Variants in AADACL2 observed in about 807,000 individuals in gnomAD.
AADACL2 encodes arylacetamide deacetylase like 2, also known as arylacetamide deacetylase-like 2.
Under a neutral mutation model 22.3 loss-of-function variants are expected in AADACL2, and 23 were observed. The ratio of observed to expected loss-of-function variants is 1.03; its 90% CI spans 0.74 to 1.46. The LOEUF is 1.46. Ranked by LOEUF, AADACL2 falls within the 40% of genes most tolerant of loss-of-function variation. The probability of loss-of-function intolerance (pLI) is 0.00; values close to 1 mark genes in which losing one functional copy is unlikely to be tolerated. For synonymous variants in AADACL2, 177 were observed against 166.2 expected, an observed-to-expected ratio of 1.07 and a Z score of -0.50; for missense variants, 472 against 482.9, an observed-to-expected ratio of 0.98 and a Z score of 0.21.
intron 4 of AADACL2, among the ~76,000 whole-genome samples, chr3:151,748,088 C>T (rs1576614925): frequency 3.3e-5 from 5 of 149,686 alleles, no homozygotes; most frequent in Admixed American, 3.3e-4. Context: ...TTGATTGTTT[C>T]TTTTTTCGTG....
In AADACL2 at chr3:151,745,565, C is replaced by A. The variant is rs201615784; in HGVS notation, c.488C>A (p.Ala163Glu). 1.2e-6 allele frequency: 2 copies of A among 1,613,828 alleles called. No homozygotes were observed. The highest frequency in any genetic ancestry group is 1.3e-5 in the African/African-American group (1 of 75,026). The change falls in exon 4 of 5, where the codon GCA becomes GAA. Residue 163 changes from alanine (A) to glutamate (E), a missense_variant. By Grantham distance (107) the Ala-to-Glu change is moderately radical. Coordinates refer to ENST00000356517, the MANE Select transcript of AADACL2 (RefSeq NM_207365.4). The part of the protein sequence containing the change: ...FPAQFEDGLA[A>E]VKFFLLEKIL... Reference sequence around the variant, plus strand: ...GCTCAGTTTGAAGATGGCCTTGCTGCAGTCAAATTTTTTCTTTTGGAAAAA... The same window carrying A: ...GCTCAGTTTGAAGATGGCCTTGCTGAAGTCAAATTTTTTCTTTTGGAAAAA...
At chr3:151,751,325 G>A (rs531300035) in intron 4 of AADACL2, 5 of 152,298 alleles carry the variant, frequency 3.3e-5, no homozygotes, top group African/African-American at 9.6e-5. Flanking sequence ...TTACCCAATA[G>A]TGATTAAGCA....
intron 4 of AADACL2, among the ~76,000 whole-genome samples, chr3:151,749,931 G>A (rs879850009): frequency 6.6e-6 from 1 of 152,170 alleles, no homozygotes; most frequent in Admixed American, 6.5e-5. Flanking sequence ...CCTGATGTCA[G>A]AGGAAAAGCT....
chr3:151,753,822 TGGTAG>T (rs1241367057), intron 4 of AADACL2, among the ~76,000 whole-genome samples: 1 of 151,958 alleles, frequency 6.6e-6, no homozygotes, highest in Non-Finnish European at 1.5e-5. Flanking sequence ...GGGAGCTAGA[TGGTAG>T]GGTATCTTGT....
chr3:151,742,467 A>C (rs1007572656), intron 2 of AADACL2, among the ~76,000 whole-genome samples: 1 of 152,320 alleles, frequency 6.6e-6, no homozygotes, highest in East Asian at 1.9e-4. Context: ...ATTCTAAGAC[A>C]AAAAGGATTG....
At position 151,759,479 on chromosome 3, in the gene AADACL2, A is replaced by T. The variant is rs1355056780; in HGVS notation, c.*1885A>T. ...ATCCTTTTAATTTTGTAAGCACTAC[A>T]CTAGTGTGTCATGTCACTAGTATGT... On this transcript the variant is annotated 3_prime_UTR_variant, in exon 5 of 5. Transcript: ENST00000356517. 6.6e-6 allele frequency: 1 copy of T among 152,186 alleles called. No individual in the cohort carries two copies. Among genetic ancestry groups the T allele is most frequent in the East Asian group, 1.9e-4 (1 of 5,204 alleles). The allele number at this position is 152,186 out of a possible 1,614,324, so 9.4% of individuals were successfully genotyped here.
chr3:151,737,084 G>A (rs1178537551), intron 1 of AADACL2, among the ~76,000 whole-genome samples: 1 of 152,110 alleles, frequency 6.6e-6, no homozygotes, highest in Non-Finnish European at 1.5e-5. Flanking sequence ...TCAGCTTTCT[G>A]ATATGGCCAT....
chr3:151,736,857 G>A (rs1026101450), intron 1 of AADACL2, among the ~76,000 whole-genome samples: 1 of 152,100 alleles, frequency 6.6e-6, no homozygotes, highest in African/African-American at 2.4e-5. Context: ...GGATTGCTGG[G>A]TCAAATGATA....
intron 4 of AADACL2, among the ~76,000 whole-genome samples, chr3:151,756,258 T>C (rs1713899676): frequency 6.6e-6 from 1 of 152,148 alleles, no homozygotes; most frequent in Admixed American, 6.6e-5. Flanking sequence ...TGCCTTTCTC[T>C]TTGAAAAAGA....
intron 1 of AADACL2, among the ~76,000 whole-genome samples, chr3:151,734,652 G>T (rs1520132): frequency 0.23 from 34,660 of 152,066 alleles, 4,179 homozygotes; most frequent in Middle Eastern, 0.31. Context: ...GGCATTATCT[G>T]ACTTGGCATG....
In AADACL2 at chr3:151,760,318, T is replaced by A. The variant is rs1054747148; in HGVS notation, c.*2724T>A. 1 of 152,184 alleles carries A rather than the reference T, an allele frequency of 6.6e-6. No homozygotes were observed. The highest frequency in any genetic ancestry group is 2.1e-4 in the South Asian group (1 of 4,830). 9.4% of individuals were successfully genotyped at this position (152,184 alleles called of 1,614,324 possible). A position where few individuals can be genotyped will look rare whatever the true frequency, so the allele number is the denominator to read the frequency against. On this transcript the variant is annotated 3_prime_UTR_variant, in exon 5 of 5. Coordinates refer to ENST00000356517, the MANE Select transcript of AADACL2 (RefSeq NM_207365.4). The stretch of plus-strand genomic sequence containing the variant: ...CATTGATTTGTATTTACATCTCATC[T>A]TCCTTTCTAAGAGAAACAGTGATGC...
chr3:151,739,502 T>C (rs1287446819), intron 1 of AADACL2, among the ~76,000 whole-genome samples: 2 of 152,188 alleles, frequency 1.3e-5, no homozygotes, highest in Non-Finnish European at 2.9e-5. Context: ...AGACAGTCTG[T>C]CCCTTAGCAG....
chr3:151,753,853 T>TGA (rs1355444087), intron 4 of AADACL2, among the ~76,000 whole-genome samples: 1 of 152,030 alleles, frequency 6.6e-6, no homozygotes, highest in Non-Finnish European at 1.5e-5. Context: ...AGTAACTGGA[T>TGA]TGAGAAGGGT....
At chr3:151,751,428 G>C (rs145362769) in intron 4 of AADACL2, 49 of 152,312 alleles carry the variant, frequency 3.2e-4, no homozygotes, top group Middle Eastern at 3.4e-3. Flanking sequence ...AATTGGGCTT[G>C]ATGTATTGGC....
Position 151,758,334 on chromosome 3 carries a change from G to A in AADACL2, c.*740G>A, listed in dbSNP as rs1714026549. The A allele has an allele frequency of 6.6e-6, 1 of 151,428 alleles. No individual in the cohort carries two copies. Among genetic ancestry groups the A allele is most frequent in the Admixed American group, 6.6e-5 (1 of 15,224 alleles). 9.4% of individuals were successfully genotyped at this position (151,428 alleles called of 1,614,324 possible). ...CTCTGCCTGTGTCTAATCTCCCTATGGGCTTCTCTTAGAAAAACACATGTG... is the reference window on the plus strand; with the variant it reads ...CTCTGCCTGTGTCTAATCTCCCTATAGGCTTCTCTTAGAAAAACACATGTG... On this transcript the variant is annotated 3_prime_UTR_variant, in exon 5 of 5. Transcript: ENST00000356517.
intron 2 of AADACL2, 95 bp downstream of exon 2, chr3:151,740,963 C>A: frequency 1.0e-6 from 1 of 953,144 alleles, no homozygotes; most frequent in Non-Finnish European, 1.6e-6. Flanking sequence ...CTGATACATA[C>A]ATCTATATAT....
intron 3 of AADACL2, 46 bp downstream of exon 3, chr3:151,744,208 T>C: frequency 6.4e-7 from 1 of 1,573,568 alleles, no homozygotes; most frequent in Admixed American, 1.7e-5. Context: ...GCCTTTACCA[T>C]GTAGAGGTTT....
chr3:151,754,706 A>G (rs985186162), intron 4 of AADACL2, among the ~76,000 whole-genome samples: 2 of 152,138 alleles, frequency 1.3e-5, no homozygotes, highest in African/African-American at 4.8e-5. Flanking sequence ...GGTAAATAGA[A>G]GTTTGAAATA....
At chr3:151,750,123 T>G (rs1713607620) in intron 4 of AADACL2, among the ~76,000 whole-genome samples, 1 of 152,228 alleles carries the variant, frequency 6.6e-6, no homozygotes, top group Non-Finnish European at 1.5e-5. Context: ...ATTCTCTTAC[T>G]ATGGCATATC....
Sources: allele counts gnomAD v4.1 joint callset (sites outside exome capture counted in the v4.1 genomes callset), GRCh38; gene constraint gnomAD v4.1.1; transcripts MANE v1.5; gene names NCBI Gene and HGNC (gene_info 2026-07-23, HGNC 2026-07-21).